The following CDK13 variants were observed in gnomAD, a reference collection of about 807,000 sequenced individuals.
CDK13 encodes the protein cyclin dependent kinase 13.
A neutral mutation model predicts 137.6 loss-of-function variants in CDK13; 40 were observed. The observed-to-expected ratio is 0.29, with a 90% CI of 0.23 to 0.38. CDK13 has a LOEUF of 0.38. Among genes scored for constraint, CDK13 ranks in the 10% least tolerant of loss-of-function variants. The pLI, the probability that CDK13 is intolerant of heterozygous loss-of-function variation, is 1.00. For synonymous variants in CDK13, 869 were observed against 760.1 expected (o/e 1.14, Z -2.36); for missense variants, 1,704 against 1,951.8 (o/e 0.87, Z 2.39).
At chr7:40,033,714 C>T (rs932010289) in intron 5 of CDK13, among the ~76,000 whole-genome samples, 4 of 152,160 alleles carry the variant, frequency 2.6e-5, no homozygotes, top group African/African-American at 7.2e-5. Flanking sequence ...ACTTAGTATA[C>T]AGGAGCCATA....
intron 5 of CDK13, among the ~76,000 whole-genome samples, chr7:40,035,909 C>T (rs1213551004): frequency 6.6e-6 from 1 of 151,866 alleles, no homozygotes; most frequent in Non-Finnish European, 1.5e-5. Context: ...CACCCGTAAT[C>T]CAGCACTTTG....
intron 4 of CDK13, among the ~76,000 whole-genome samples, chr7:40,001,025 A>G (rs1784673907): frequency 6.6e-6 from 1 of 152,212 alleles, no homozygotes; most frequent in African/African-American, 2.4e-5. Context: ...TTTGAATTCC[A>G]GTTTTACTGC....
At position 39,950,943 on chromosome 7, in the gene CDK13, G is replaced by A; in HGVS notation, c.302G>A (p.Gly101Glu). ...GCGAGAGGCAAGAGGCGCGCAGGAG[G>A]GCGGCAGAAGCGGCGTCGCGGGCCC... is the stretch of plus-strand genomic sequence containing the variant. The part of the protein sequence containing the change: ...RLARGKRRAG[G>E]RQKRRRGPRA... Residue 101 changes from glycine (G) to glutamate (E), a missense_variant, in exon 1 of 14, where the codon GGG becomes GAG. By Grantham distance (98) the Gly-to-Glu change is moderately conservative. This residue lies in a region of CDK13 where 1,051 missense variants were observed against 931.0 expected (regional missense o/e 1.13). Transcript: ENST00000181839. The A allele has an allele frequency of 7.6e-7, 1 of 1,312,326 alleles. No homozygotes were observed. Among genetic ancestry groups the A allele is most frequent in the Non-Finnish European group, 9.7e-7 (1 of 1,035,344 alleles). 81.3% of individuals were successfully genotyped at this position (1,312,326 alleles called of 1,614,324 possible). A position where few individuals can be genotyped will look rare whatever the true frequency, so the allele number is the denominator to read the frequency against.
intron 5 of CDK13, among the ~76,000 whole-genome samples, chr7:40,004,724 T>C (rs1431792091): frequency 6.6e-6 from 1 of 152,222 alleles, no homozygotes; most frequent in Non-Finnish European, 1.5e-5. Flanking sequence ...AAAATGAGTG[T>C]ATTAGAACAT....
chr7:39,961,218 G>A (rs1306156958), intron 1 of CDK13, among the ~76,000 whole-genome samples: 1 of 152,074 alleles, frequency 6.6e-6, no homozygotes, highest in Non-Finnish European at 1.5e-5. Flanking sequence ...ACATAGCCAA[G>A]CATGGTGGCG....
intron 5 of CDK13, among the ~76,000 whole-genome samples, chr7:40,009,832 G>GTA (rs1304157545): frequency 6.6e-6 from 1 of 152,190 alleles, no homozygotes; most frequent in African/African-American, 2.4e-5. Flanking sequence ...TCTACCACCT[G>GTA]TATTCAGCAT....
At chr7:40,035,138 T>C (rs1785455023) in intron 5 of CDK13, among the ~76,000 whole-genome samples, 1 of 152,240 alleles carries the variant, frequency 6.6e-6, no homozygotes, top group East Asian at 1.9e-4. Context: ...TTTCCTACCA[T>C]AATGAAATTT....
intron 1 of CDK13, 60 bp from the exon 2 acceptor site, chr7:39,987,539 T>C (rs1233926099): frequency 2.2e-6 from 3 of 1,353,182 alleles, no homozygotes; most frequent in Admixed American, 5.0e-5. Context: ...GCACTGTCTT[T>C]GTAAATTCCA....
intron 9 of CDK13, among the ~76,000 whole-genome samples, chr7:40,068,730 AAGG>A (rs1389847494): frequency 6.6e-5 from 10 of 150,588 alleles, no homozygotes; most frequent in Admixed American, 3.3e-4. Context: ...AAAAAAAAAA[AAGG>A]AAACAGTTGA....
intron 7 of CDK13, among the ~76,000 whole-genome samples, chr7:40,055,239 T>TA (rs1785988497): frequency 6.6e-6 from 1 of 151,826 alleles, no homozygotes; most frequent in Non-Finnish European, 1.5e-5. Context: ...TTGATCTAAT[T>TA]ATGTAAAGTG....
intron 5 of CDK13, among the ~76,000 whole-genome samples, chr7:40,002,521 A>G (rs562339546): frequency 6.6e-6 from 1 of 152,266 alleles, no homozygotes; most frequent in South Asian, 2.1e-4. Context: ...AGCTGACAAA[A>G]AATTAGCCTG....
chr7:40,087,380 C>T (rs1251385771), intron 11 of CDK13, among the ~76,000 whole-genome samples: 1 of 151,740 alleles, frequency 6.6e-6, no homozygotes, highest in East Asian at 2.0e-4. Context: ...TGGGCTCAAG[C>T]AATCCTCCCG....
At chr7:40,032,762 T>TC (rs1785407118) in intron 5 of CDK13, among the ~76,000 whole-genome samples, 1 of 152,144 alleles carries the variant, frequency 6.6e-6, no homozygotes. Flanking sequence ...GTTTTTTTTT[T>TC]CCCACTGATA....
At chr7:40,082,343 C>G (rs1786682669) in intron 11 of CDK13, among the ~76,000 whole-genome samples, 1 of 151,866 alleles carries the variant, frequency 6.6e-6, no homozygotes, top group African/African-American at 2.4e-5. Flanking sequence ...AAAAATTAGC[C>G]AGGTGTGGTG....
At chr7:40,085,595 C>A (rs1786770947) in intron 11 of CDK13, 1 of 152,584 alleles carries the variant, frequency 6.6e-6, no homozygotes, top group South Asian at 2.1e-4. Flanking sequence ...AGACCCACAT[C>A]ATATCATACA....
chr7:39,994,830 T>C (rs1784528573), intron 2 of CDK13, among the ~76,000 whole-genome samples: 1 of 152,132 alleles, frequency 6.6e-6, no homozygotes. Flanking sequence ...ACTTAATTTT[T>C]CTTTTTGAGA....
chr7:39,955,692 T>A (rs1787384780), intron 1 of CDK13, among the ~76,000 whole-genome samples: 1 of 152,120 alleles, frequency 6.6e-6, no homozygotes, highest in Non-Finnish European at 1.5e-5. Flanking sequence ...TATTTGTAGT[T>A]TTTATGAACA....
At chr7:40,012,223 T>C (rs1784910717) in intron 5 of CDK13, among the ~76,000 whole-genome samples, 1 of 152,168 alleles carries the variant, frequency 6.6e-6, no homozygotes. Flanking sequence ...AGTACAATGG[T>C]GCAGTTGCTT....
At chr7:39,969,363 T>G (rs1382696246) in intron 1 of CDK13, among the ~76,000 whole-genome samples, 1 of 152,196 alleles carries the variant, frequency 6.6e-6, no homozygotes, top group Non-Finnish European at 1.5e-5. Context: ...TCAGAAGTGA[T>G]TTTTAAAAAT....
Sources: allele counts gnomAD v4.1 joint callset (sites outside exome capture counted in the v4.1 genomes callset), GRCh38; gene constraint gnomAD v4.1.1; regional missense constraint gnomAD v4.1.1; transcripts MANE v1.5; gene names NCBI Gene and HGNC (gene_info 2026-07-23, HGNC 2026-07-21).